Variants in TRPC7 observed in about 807,000 individuals in gnomAD.
TRPC7 encodes short transient receptor potential channel 7.
In TRPC7, 42 loss-of-function variants were observed where a neutral mutation model predicts 90.1. The ratio of observed to expected loss-of-function variants is 0.47; its 90% CI spans 0.36 to 0.60. The LOEUF (loss-of-function observed/expected upper bound fraction) is 0.60, where lower values mean the gene tolerates loss of function less well. Ranked by LOEUF, TRPC7 falls within the 20% of genes least tolerant of loss-of-function variation. The probability of loss-of-function intolerance (pLI) is 0.00; values close to 1 mark genes in which losing one functional copy is unlikely to be tolerated. For missense variants in TRPC7, 955 were observed against 1,112.3 expected, an observed-to-expected ratio of 0.86 and a Z score of 2.01; for synonymous variants, 451 against 436.3, an observed-to-expected ratio of 1.03 and a Z score of -0.42.
intron 7 of TRPC7, among the ~76,000 whole-genome samples, chr5:136,240,369 G>A (rs1316943156): frequency 1.3e-5 from 2 of 152,178 alleles, no homozygotes; most frequent in African/African-American, 2.4e-5. Flanking sequence ...TGATCCATGA[G>A]TTTCCTAGGA....
chr5:136,312,780 G>C lies in TRPC7; in HGVS notation c.963+2817C>G, dbSNP rs999280361. Among the ~76,000 whole-genome samples, 7 of 152,240 alleles carry C rather than the reference G, an allele frequency of 4.6e-5. No individual in the cohort carries two copies. In the East Asian group the frequency reaches 1.4e-3, roughly 29 times the overall value. ...AAGATAATCAAACATTCATATGAGAGACATGATCCAGAGTGCAGTACCAGC... is the reference window on the plus strand; with the variant it reads ...AAGATAATCAAACATTCATATGAGACACATGATCCAGAGTGCAGTACCAGC... On this transcript the variant is annotated intron_variant, in intron 3 of 11. Coordinates refer to ENST00000513104, the MANE Select transcript of TRPC7 (RefSeq NM_020389.3).
rs768453553 is a variant in TRPC7 at position 136,315,620 on chromosome 5, C to A, written c.940G>T (p.Ala314Ser). The A allele has an allele frequency of 3.1e-6, 5 of 1,613,694 alleles. No individual in the cohort carries two copies. The highest frequency in any genetic ancestry group is 1.1e-5 in the South Asian group (1 of 91,036). ...ACCTTCTTGACTTCATATTTAATGGCGAGTTTGATCCGGCTCAGACTTGGA... is the reference window on the plus strand; with the variant it reads ...ACCTTCTTGACTTCATATTTAATGGAGAGTTTGATCCGGCTCAGACTTGGA... ...HRPSLSRIKL[A>S]IKYEVKKFVA... is the part of the protein sequence containing the mutation. Residue 314 changes from alanine (A) to serine (S), a missense_variant, in exon 3 of 12, where the codon GCC becomes TCC. This residue lies in a region of TRPC7 where 484 missense variants were observed against 509.6 expected (regional missense o/e 0.95). Transcript: ENST00000513104.
At chr5:136,226,005 T>G in intron 9 of TRPC7, 29 bp downstream of exon 9, 1 of 1,552,996 alleles carries the variant, frequency 6.4e-7, no homozygotes, top group South Asian at 1.2e-5. Flanking sequence ...TGCTGCCTTC[T>G]CCAGCCTCAT....
At chr5:136,217,974 T>C (rs1387832284) in intron 10 of TRPC7, among the ~76,000 whole-genome samples, 2 of 145,604 alleles carry the variant, frequency 1.4e-5, no homozygotes, top group Non-Finnish European at 3.0e-5. Flanking sequence ...GCCAAGATCA[T>C]GCCACTGCAC....
At chr5:136,360,312 A>AAAACAAAACG (rs3834268) in intron 1 of TRPC7, among the ~76,000 whole-genome samples, 2 of 152,182 alleles carry the variant, frequency 1.3e-5, no homozygotes, top group African/African-American at 2.4e-5. Context: ...AAAACAAAAC[A>AAAACAAAACG]TAAAAAGCAA....
At chr5:136,254,841 G>A (rs1469298533) in intron 5 of TRPC7, among the ~76,000 whole-genome samples, 2 of 152,224 alleles carry the variant, frequency 1.3e-5, no homozygotes, top group Non-Finnish European at 2.9e-5. Context: ...CGTTTTAGAT[G>A]CCATTCAGAA....
Position 136,221,769 on chromosome 5 carries a change from G to A in TRPC7, c.2343+3505C>T, listed in dbSNP as rs573625121. ...CCATCCTCTTTGCTTTGATCTCTTC[G>A]GTAAAGGCTATTTAGAAGATGGAAA... On this transcript the variant is annotated intron_variant, in intron 10 of 11. Coordinates refer to ENST00000513104, the MANE Select transcript of TRPC7 (RefSeq NM_020389.3). Among the ~76,000 whole-genome samples the A allele has an allele frequency of 1.3e-3, 191 of 152,296 alleles. 1 individual carries two copies. The highest frequency in any genetic ancestry group is 4.3e-3 in the African/African-American group (177 of 41,574).
chr5:136,228,468 T>C (rs1755703677), intron 8 of TRPC7, among the ~76,000 whole-genome samples: 1 of 150,782 alleles, frequency 6.6e-6, no homozygotes, highest in African/African-American at 2.4e-5. Flanking sequence ...AAGTGACTTA[T>C]TTAAATGCTG....
intron 5 of TRPC7, among the ~76,000 whole-genome samples, chr5:136,254,631 C>G (rs949578661): frequency 3.3e-5 from 5 of 152,166 alleles, no homozygotes; most frequent in Non-Finnish European, 7.3e-5. Flanking sequence ...GAGCTCTGAT[C>G]GAGATATACA....
At chr5:136,263,923 A>G (rs1756943008) in intron 5 of TRPC7, among the ~76,000 whole-genome samples, 1 of 152,202 alleles carries the variant, frequency 6.6e-6, no homozygotes, top group Non-Finnish European at 1.5e-5. Flanking sequence ...AACATGAGAG[A>G]TAGGTCCATG....
chr5:136,220,165 G>A (rs1291231334), intron 10 of TRPC7, among the ~76,000 whole-genome samples: 1 of 152,208 alleles, frequency 6.6e-6, no homozygotes, highest in African/African-American at 2.4e-5. Context: ...TGTAAAACGT[G>A]TGTTTGAACA....
intron 2 of TRPC7, among the ~76,000 whole-genome samples, chr5:136,343,511 T>A (rs1759909192): frequency 6.6e-6 from 1 of 152,216 alleles, no homozygotes; most frequent in African/African-American, 2.4e-5. Flanking sequence ...GAGAAGAATC[T>A]GAACAGACAG....
intron 5 of TRPC7, among the ~76,000 whole-genome samples, chr5:136,254,564 A>G (rs952632868): frequency 6.6e-6 from 1 of 152,238 alleles, no homozygotes; most frequent in African/African-American, 2.4e-5. Context: ...ACTGCTCAGA[A>G]AAAATATATT....
At chr5:136,248,356 G>A (rs909706803) in intron 6 of TRPC7, among the ~76,000 whole-genome samples, 4 of 152,196 alleles carry the variant, frequency 2.6e-5, no homozygotes, top group African/African-American at 9.7e-5. Context: ...ACTGTGGAGA[G>A]GATGAAATGA....
At chr5:136,296,921 A>G (rs2149828291) in intron 3 of TRPC7, among the ~76,000 whole-genome samples, 1 of 152,262 alleles carries the variant, frequency 6.6e-6, no homozygotes, top group Non-Finnish European at 1.5e-5. Context: ...CCCAGCCAGG[A>G]GTCCTGCCCC....
chr5:136,308,676 C>T (rs925605444), intron 3 of TRPC7, among the ~76,000 whole-genome samples: 2 of 152,214 alleles, frequency 1.3e-5, no homozygotes. Context: ...GGTCACTGCA[C>T]TAGGGAGAGG....
intron 5 of TRPC7, among the ~76,000 whole-genome samples, chr5:136,253,884 T>A (rs1317224440): frequency 6.6e-6 from 1 of 152,246 alleles, no homozygotes; most frequent in East Asian, 1.9e-4. Flanking sequence ...AAGCTAGGCC[T>A]TTTGTGCCAG....
intron 2 of TRPC7, among the ~76,000 whole-genome samples, chr5:136,319,818 T>A (rs1177891936): frequency 6.6e-6 from 1 of 152,218 alleles, no homozygotes; most frequent in Non-Finnish European, 1.5e-5. Context: ...TTATCTTTTT[T>A]CTGAATGACT....
At chr5:136,301,947 C>T (rs866364554) in intron 3 of TRPC7, among the ~76,000 whole-genome samples, 6 of 152,254 alleles carry the variant, frequency 3.9e-5, no homozygotes, top group African/African-American at 7.2e-5. Flanking sequence ...CTCACACCGA[C>T]CAGCCCAAGA....
Sources: allele counts gnomAD v4.1 joint callset (sites outside exome capture counted in the v4.1 genomes callset), GRCh38; gene constraint gnomAD v4.1.1; regional missense constraint gnomAD v4.1.1; transcripts MANE v1.5; gene names NCBI Gene and HGNC (gene_info 2026-07-23, HGNC 2026-07-21).